VDR: variants seen among roughly 807,000 people sequenced by gnomAD.
The protein encoded by VDR is vitamin D receptor, also known as vitamin D3 receptor.
VDR carries 19 observed loss-of-function variants against 39.7 expected under a neutral mutation model. That is an observed-to-expected ratio of 0.48 (90% CI 0.33 to 0.70). VDR has a LOEUF of 0.70. Ranked by LOEUF, VDR falls within the 30% of genes least tolerant of loss-of-function variation. VDR has a pLI of 0.02. For synonymous variants in VDR, 242 were observed against 215.8 expected, an observed-to-expected ratio of 1.12 and a Z score of -1.07; for missense variants, 442 against 570.5, an observed-to-expected ratio of 0.77 and a Z score of 2.29.
intron 1 of VDR, 84 bp downstream of exon 1, chr12:47,904,871 G>T (rs974791565): frequency 8.9e-6 from 3 of 337,584 alleles, no homozygotes; most frequent in Non-Finnish European, 1.6e-5. Context: ...CTCGCAGCCG[G>T]GCGCTCAGGC....
At chr12:47,857,767 G>C (rs1199504774) in intron 4 of VDR, 79 bp from the exon 5 acceptor site, 1 of 1,521,872 alleles carries the variant, frequency 6.6e-7, no homozygotes, top group African/African-American at 1.4e-5. Flanking sequence ...TGGGGGTAAA[G>C]GTCCAAGATA....
chr12:47,844,579 T>G lies in VDR; in HGVS notation c.*167A>C, dbSNP rs912531106. 4.5e-6 allele frequency: 4 copies of G among 882,736 alleles called. No homozygotes were observed. The highest frequency in any genetic ancestry group is 6.9e-6 in the Non-Finnish European group (4 of 579,602). The allele number at this position is 882,736 out of a possible 1,614,324, so 54.7% of individuals were successfully genotyped here. ...CGGGGAAAAGCCCGCAGGAAAGGGGTTAGGTTGGACAGGAGAGAGAATGGG... is the reference window on the plus strand; with the variant it reads ...CGGGGAAAAGCCCGCAGGAAAGGGGGTAGGTTGGACAGGAGAGAGAATGGG... On this transcript the variant is annotated 3_prime_UTR_variant, in exon 10 of 10. Coordinates refer to ENST00000549336, the MANE Select transcript of VDR (RefSeq NM_000376.3).
intron 8 of VDR, 35 bp downstream of exon 8, chr12:47,846,622 A>T: frequency 1.2e-6 from 2 of 1,611,904 alleles, no homozygotes; most frequent in Non-Finnish European, 1.7e-6. Flanking sequence ...CTGGGAGCTG[A>T]AAAAGACTCC....
At chr12:47,864,609 C>G (rs1945690758) in intron 4 of VDR, among the ~76,000 whole-genome samples, 1 of 152,236 alleles carries the variant, frequency 6.6e-6, no homozygotes, top group Non-Finnish European at 1.5e-5. Context: ...TCCTAACCCA[C>G]ATCAGCCCTC....
chr12:47,897,807 G>C (rs774370496), intron 1 of VDR, among the ~76,000 whole-genome samples: 13 of 152,170 alleles, frequency 8.5e-5, no homozygotes, highest in Non-Finnish European at 1.3e-4. Flanking sequence ...AGACTCTGAA[G>C]AGATGGCCAG....
chr12:47,899,194 A>G (rs1946515875), intron 1 of VDR, among the ~76,000 whole-genome samples: 1 of 152,230 alleles, frequency 6.6e-6, no homozygotes, highest in African/African-American at 2.4e-5. Context: ...GCCATTCCTG[A>G]GTTCTAAACG....
At chr12:47,870,141 A>G (rs1429667923) in intron 3 of VDR, among the ~76,000 whole-genome samples, 1 of 152,042 alleles carries the variant, frequency 6.6e-6, no homozygotes, top group African/African-American at 2.4e-5. Context: ...CTGGCCCAAC[A>G]TGTCTGTTTG....
At chr12:47,854,998 G>A (rs1358383405) in intron 7 of VDR, among the ~76,000 whole-genome samples, 1 of 152,048 alleles carries the variant, frequency 6.6e-6, no homozygotes, top group African/African-American at 2.4e-5. Flanking sequence ...TTTGAGACAA[G>A]CCTGGCCAAC....
At chr12:47,882,645 C>A in intron 2 of VDR, 49 bp downstream of exon 2, 1 of 1,027,894 alleles carries the variant, frequency 9.7e-7, no homozygotes, top group Non-Finnish European at 1.4e-6. Flanking sequence ...CACCCCGCCC[C>A]TTGAAAACAG....
intron 4 of VDR, among the ~76,000 whole-genome samples, chr12:47,860,672 C>T (rs759374112): frequency 6.6e-5 from 10 of 152,160 alleles, no homozygotes; most frequent in Admixed American, 2.0e-4. Flanking sequence ...CTGTCTGCCC[C>T]GCATTGCATG....
intron 2 of VDR, among the ~76,000 whole-genome samples, chr12:47,881,921 G>A (rs1946157900): frequency 6.6e-6 from 1 of 152,182 alleles, no homozygotes; most frequent in Non-Finnish European, 1.5e-5. Context: ...GCAGCTCCGA[G>A]TCATCGTGGT....
intron 4 of VDR, among the ~76,000 whole-genome samples, chr12:47,863,059 G>T (rs1409740173): frequency 6.6e-6 from 1 of 152,186 alleles, no homozygotes; most frequent in Non-Finnish European, 1.5e-5. Context: ...GCGTGGCTGA[G>T]GGATGGGGTG....
At chr12:47,866,110 A>C (rs1945729284) in intron 3 of VDR, among the ~76,000 whole-genome samples, 1 of 141,096 alleles carries the variant, frequency 7.1e-6, no homozygotes, top group Non-Finnish European at 1.6e-5. Context: ...TCCCTAGAAA[A>C]AACCCTTTTT....
chr12:47,844,982 C>A lies in VDR; in HGVS notation c.1048G>T (p.Ala350Ser). Residue 350 changes from alanine to serine, a missense_variant, in exon 10 of 10, where the codon GCG becomes TCG. Around this residue, in one of 5 missense-constraint regions of VDR, gnomAD observed 173 missense variants for 252.0 expected, o/e 0.69. Transcript: ENST00000549336. ...CGGTCCTGGATGGCCTCAATCAGCG[C>A]GGCGTCCTGCACCCCAGGACGATCT... ...SPDRPGVQDAALIEAIQDRLS... is the reference protein window; with the variant it reads ...SPDRPGVQDASLIEAIQDRLS... 11 of 1,613,220 alleles carry A rather than the reference C, an allele frequency of 6.8e-6. No individual in the cohort carries two copies. Among genetic ancestry groups the A allele is most frequent in the Non-Finnish European group, 9.3e-6 (11 of 1,179,954 alleles).
intron 1 of VDR, among the ~76,000 whole-genome samples, chr12:47,889,179 T>C (rs1286026989): frequency 6.6e-6 from 1 of 151,924 alleles, no homozygotes; most frequent in African/African-American, 2.4e-5. Context: ...TCCTCTGAGG[T>C]AATCAGAGAG....
intron 2 of VDR, among the ~76,000 whole-genome samples, chr12:47,882,447 G>A (rs1241027633): frequency 1.3e-5 from 2 of 152,080 alleles, no homozygotes; most frequent in Non-Finnish European, 2.9e-5. Flanking sequence ...ACGCACAGGA[G>A]AGCCCAGCCA....
chr12:47,879,288 G>A (rs549779295), intron 2 of VDR, among the ~76,000 whole-genome samples, 173 bp from the exon 3 acceptor site: 60 of 149,582 alleles, frequency 4.0e-4, no homozygotes, highest in African/African-American at 7.2e-4. Context: ...CAGTGCCTTC[G>A]GAGCCCTCAT....
intron 9 of VDR, among the ~76,000 whole-genome samples, chr12:47,845,285 C>T (rs189226328): frequency 1.3e-4 from 19 of 151,908 alleles, no homozygotes; most frequent in African/African-American, 3.9e-4. Context: ...CTCAGCGTCC[C>T]GATGCGCCAT....
chr12:47,894,202 C>A (rs1199496105), intron 1 of VDR, among the ~76,000 whole-genome samples: 1 of 152,206 alleles, frequency 6.6e-6, no homozygotes, highest in Non-Finnish European at 1.5e-5. Flanking sequence ...ACTCAGGGTC[C>A]CTAGAGGAGC....
Sources: gnomAD v4.1 joint callset for allele counts (sites outside exome capture counted in the v4.1 genomes callset) on GRCh38, gnomAD v4.1.1 for gene constraint, gnomAD v4.1.1 regional missense constraint, MANE v1.5 for transcripts, NCBI Gene and HGNC (gene_info 2026-07-23, HGNC 2026-07-21) for gene names.